Variants in FAM169A observed in about 807,000 individuals in gnomAD.
The protein encoded by FAM169A is soluble lamin-associated protein of 75 kDa.
In FAM169A, 24 loss-of-function variants were observed where a neutral mutation model predicts 75.7. That is an observed-to-expected ratio of 0.32 (90% CI 0.23 to 0.45). FAM169A has a LOEUF of 0.45. Ranked by LOEUF, FAM169A falls within the 20% of genes least tolerant of loss-of-function variation. The pLI, the probability that FAM169A is intolerant of heterozygous loss-of-function variation, is 1.00. For synonymous variants in FAM169A, 271 were observed against 271.0 expected, an observed-to-expected ratio of 1.00 and a Z score of 0.00; for missense variants, 673 against 784.0, an observed-to-expected ratio of 0.86 and a Z score of 1.69.
rs754171202 is a variant in FAM169A at position 74,781,860 on chromosome 5, C to T, written c.1613G>A (p.Arg538Gln). ...AGAGTTTGGAAAACCACCATCAGAT[C>T]GTTCTTCATTTGACATAGTAGCAAC... is the stretch of plus-strand genomic sequence containing the variant. ...DNVATMSNEE[R>Q]SDGGFPNSVI... Residue 538 changes from arginine to glutamine, a missense_variant, in exon 13 of 13, where the codon CGA becomes CAA. Arg to Gln is a conservative substitution (Grantham distance 43). This residue lies in a region of FAM169A where 510 missense variants were observed against 550.9 expected (regional missense o/e 0.93). Transcript: ENST00000687041. The T allele has an allele frequency of 3.1e-6, 5 of 1,613,930 alleles. No homozygotes were observed. Among genetic ancestry groups the T allele is most frequent in the South Asian group, 2.2e-5 (2 of 91,074 alleles).
chr5:74,849,451 G>A (rs548984402), intron 1 of FAM169A, among the ~76,000 whole-genome samples: 1 of 151,934 alleles, frequency 6.6e-6, no homozygotes, highest in East Asian at 1.9e-4. Context: ...GTGGAGAGAG[G>A]CAGACCCAAA....
intron 6 of FAM169A, among the ~76,000 whole-genome samples, chr5:74,812,288 T>G (rs921330579): frequency 3.9e-5 from 6 of 152,036 alleles, no homozygotes; most frequent in African/African-American, 1.4e-4. Context: ...CACACCCAGC[T>G]AATTTTTTTT....
chr5:74,799,993 AG>A, intron 10 of FAM169A: 1 of 785,976 alleles, frequency 1.3e-6, no homozygotes, highest in Non-Finnish European at 2.3e-6. Context: ...TCTATTTATG[AG>A]GTGGATGAGA....
At chr5:74,836,799 T>C (rs936823692) in intron 4 of FAM169A, among the ~76,000 whole-genome samples, 2 of 152,006 alleles carry the variant, frequency 1.3e-5, no homozygotes, top group Non-Finnish European at 2.9e-5. Flanking sequence ...AATACAAAAA[T>C]TAGCTGGGCA....
At position 74,778,828 on chromosome 5, in the gene FAM169A, T is replaced by A. The variant is rs528288691; in HGVS notation, c.*2632A>T. ...CACAAAGGACTATGTGTAATGTGAC[T>A]GGACATTCAACAACTAGACTAGCCG... On this transcript the variant is annotated 3_prime_UTR_variant, in exon 13 of 13. Coordinates refer to ENST00000687041, the MANE Select transcript of FAM169A (RefSeq NM_001376049.1). 3 of 152,240 alleles carry A rather than the reference T, an allele frequency of 2.0e-5. No individual in the cohort carries two copies. The East Asian group carries it at 5.8e-4, about 29-fold the overall frequency. 9.4% of individuals were successfully genotyped at this position (152,240 alleles called of 1,614,324 possible).
intron 5 of FAM169A, among the ~76,000 whole-genome samples, chr5:74,821,383 T>C (rs183298202): frequency 1.1e-4 from 17 of 152,364 alleles, no homozygotes; most frequent in Admixed American, 9.8e-4. Flanking sequence ...CTTCTTCTCA[T>C]AGAATCACCA....
intron 1 of FAM169A, among the ~76,000 whole-genome samples, chr5:74,844,947 C>A (rs1257707425): frequency 6.6e-6 from 1 of 152,080 alleles, no homozygotes; most frequent in Non-Finnish European, 1.5e-5. Context: ...ACCCAATAAC[C>A]TCTTCAATTT....
At chr5:74,806,558 A>G (rs1746893783) in intron 6 of FAM169A, among the ~76,000 whole-genome samples, 1 of 152,224 alleles carries the variant, frequency 6.6e-6, no homozygotes, top group African/African-American at 2.4e-5. Context: ...AACCTAGTAT[A>G]TCAGGACTGT....
intron 1 of FAM169A, among the ~76,000 whole-genome samples, chr5:74,846,861 G>A (rs1749183090): frequency 6.6e-6 from 1 of 152,246 alleles, no homozygotes; most frequent in East Asian, 1.9e-4. Flanking sequence ...CACTGTGCGT[G>A]GTCCTAAGAG....
rs145483410 is a variant in FAM169A at position 74,848,288 on chromosome 5, T to C, written c.-3-6609A>G. 3.1e-4 allele frequency among the ~76,000 whole-genome samples: 47 copies of C among 152,220 alleles called. No individual in the cohort carries two copies. The East Asian group carries it at 5.8e-3, about 19-fold the overall frequency. On this transcript the variant is annotated intron_variant, in intron 1 of 12. Coordinates refer to ENST00000687041, the MANE Select transcript of FAM169A (RefSeq NM_001376049.1). The stretch of plus-strand genomic sequence containing the variant: ...GCTTTAGAGAGACTGTCACATTTAC[T>C]ATATAACAAGGAACTCCTATCTGCC...
intron 6 of FAM169A, among the ~76,000 whole-genome samples, chr5:74,805,990 A>G (rs1217671538): frequency 2.0e-5 from 3 of 151,548 alleles, no homozygotes; most frequent in Non-Finnish European, 4.4e-5. Context: ...AAAAAAAAAA[A>G]AAAGAAATAA....
At chr5:74,812,972 A>C (rs1747282658) in intron 6 of FAM169A, among the ~76,000 whole-genome samples, 2 of 152,362 alleles carry the variant, frequency 1.3e-5, no homozygotes, top group South Asian at 4.1e-4. Flanking sequence ...CATACAATGG[A>C]ATATTATTCA....
At chr5:74,846,843 G>A (rs1250197506) in intron 1 of FAM169A, among the ~76,000 whole-genome samples, 2 of 152,138 alleles carry the variant, frequency 1.3e-5, no homozygotes, top group Non-Finnish European at 2.9e-5. Context: ...GTGATTACAG[G>A]TGTTAGCCAC....
intron 11 of FAM169A, among the ~76,000 whole-genome samples, chr5:74,791,664 T>A (rs1323929311): frequency 1.3e-5 from 2 of 152,194 alleles, no homozygotes; most frequent in Non-Finnish European, 2.9e-5. Flanking sequence ...GGGGTGTCTC[T>A]TAGTATTACG....
chr5:74,829,022 A>G (rs544874206), intron 5 of FAM169A, among the ~76,000 whole-genome samples: 2 of 152,242 alleles, frequency 1.3e-5, no homozygotes, highest in Non-Finnish European at 2.9e-5. Flanking sequence ...CTTTGAATAC[A>G]AAGTTCTACG....
At chr5:74,795,449 A>C (rs772424081) in intron 11 of FAM169A, among the ~76,000 whole-genome samples, 3 of 152,200 alleles carry the variant, frequency 2.0e-5, no homozygotes, top group African/African-American at 4.8e-5. Context: ...AAGAAAAAAG[A>C]AGCTGGGGAT....
rs571126360 is a variant in FAM169A at position 74,801,956 on chromosome 5, T to C, written c.913-327A>G. Among the ~76,000 whole-genome samples, 50 of 152,340 alleles carry C rather than the reference T, an allele frequency of 3.3e-4. No individual in the cohort carries two copies. In the South Asian group the frequency reaches 6.2e-3, roughly 19 times the overall value. ...TATTGATGAATTCAAATATGAGACTTAAGCCTCCAAACTTTCTTCCTGATT... is the reference window on the plus strand; with the variant it reads ...TATTGATGAATTCAAATATGAGACTCAAGCCTCCAAACTTTCTTCCTGATT... On this transcript the variant is annotated intron_variant, in intron 8 of 12. Coordinates refer to ENST00000687041, the MANE Select transcript of FAM169A (RefSeq NM_001376049.1).
At chr5:74,862,215 G>A (rs146538944) in intron 1 of FAM169A, among the ~76,000 whole-genome samples, 1 of 152,316 alleles carries the variant, frequency 6.6e-6, no homozygotes, top group African/African-American at 2.4e-5. Context: ...AAGAGAGAGA[G>A]AACCCCATTC....
intron 6 of FAM169A, among the ~76,000 whole-genome samples, chr5:74,807,583 C>T (rs2112553795): frequency 6.6e-6 from 1 of 152,286 alleles, no homozygotes; most frequent in Admixed American, 6.5e-5. Context: ...ATGCAAAAAA[C>T]ATTTGTAACA....
Sources: allele counts gnomAD v4.1 joint callset (sites outside exome capture counted in the v4.1 genomes callset), GRCh38; gene constraint gnomAD v4.1.1; regional missense constraint gnomAD v4.1.1; transcripts MANE v1.5; gene names NCBI Gene and HGNC (gene_info 2026-07-23, HGNC 2026-07-21).